Variants in ZNF236 observed in about 807,000 individuals in gnomAD.
ZNF236 encodes the protein zinc finger protein 236, also known as regulated by glucose.
In ZNF236, 50 loss-of-function variants were observed where a neutral mutation model predicts 191.2. The observed-to-expected ratio is 0.26, with a 90% CI of 0.21 to 0.33. ZNF236 has a LOEUF of 0.33. ZNF236 is among the 10% of genes least tolerant of loss of function. The pLI is 1.00. For missense variants in ZNF236, 1,754 were observed against 2,374.5 expected (o/e 0.74, Z 5.43); for synonymous variants, 907 against 928.8 (o/e 0.98, Z 0.43).
At chr18:76,940,014 A>T (rs549350825) in intron 26 of ZNF236, among the ~76,000 whole-genome samples, 13 of 146,774 alleles carry the variant, frequency 8.9e-5, no homozygotes, top group Admixed American at 1.3e-4. Context: ...TGCATTTGGG[A>T]ACACGGTGGG....
At chr18:76,893,167 T>C (rs1400258146) in intron 9 of ZNF236, among the ~76,000 whole-genome samples, 1 of 152,252 alleles carries the variant, frequency 6.6e-6, no homozygotes, top group African/African-American at 2.4e-5. Context: ...GAAAAAAATC[T>C]GATTTCTGGG....
In ZNF236 at chr18:76,908,488, G is replaced by A. The variant is rs545419794; in HGVS notation, c.2466G>A (p.Leu822=). Residue 822 remains leucine (L), a synonymous_variant, in exon 14 of 31, where the codon CTG becomes CTA. Coordinates refer to ENST00000320610, the MANE Select transcript of ZNF236 (RefSeq NM_001306089.2). ...EVVAANPEAM[L]DLEPQHVVGT... is the part of the protein sequence containing the mutation. ...TCGCAGCGAACCCCGAGGCCATGCT[G>A]GACCTGGAGCCTCAGCATGTGGTGG... 1.2e-5 allele frequency: 19 copies of A among 1,614,130 alleles called. No individual in the cohort carries two copies. The East Asian group carries it at 4.0e-4, about 34-fold the overall frequency.
intron 3 of ZNF236, among the ~76,000 whole-genome samples, chr18:76,865,952 T>G (rs562027499): frequency 2.0e-5 from 3 of 152,378 alleles, no homozygotes; most frequent in Non-Finnish European, 2.9e-5. Flanking sequence ...TTTTAGTTAC[T>G]GCTCTATTGA....
intron 18 of ZNF236, among the ~76,000 whole-genome samples, chr18:76,914,842 A>G (rs1407588094): frequency 6.6e-6 from 1 of 152,152 alleles, no homozygotes; most frequent in East Asian, 1.9e-4. Context: ...TATACTCAGT[A>G]TATTCATTAT....
intron 1 of ZNF236, among the ~76,000 whole-genome samples, chr18:76,830,340 C>A (rs1232184456): frequency 6.6e-6 from 1 of 152,050 alleles, no homozygotes; most frequent in Non-Finnish European, 1.5e-5. Context: ...CCATAAATTA[C>A]TCTTCTCCTC....
In ZNF236 at chr18:76,923,121, G is replaced by T; in HGVS notation, c.3608G>T (p.Gly1203Val). 6.2e-7 allele frequency: 1 copy of T among 1,614,072 alleles called. No individual in the cohort carries two copies. The highest frequency in any genetic ancestry group is 8.5e-7 in the Non-Finnish European group (1 of 1,179,974). Residue 1203 changes from glycine (G) to valine (V), a missense_variant, in exon 21 of 31, where the codon GGA (glycine) becomes GTA (valine). Coordinates refer to ENST00000320610, the MANE Select transcript of ZNF236 (RefSeq NM_001306089.2). ...AAGCCATACAAATGTGATGAATGTG[G>T]AAAGAGTTTTACTGTGAAATCCACT... The part of the protein sequence containing the change: ...GEKPYKCDEC[G>V]KSFTVKSTLD...
In ZNF236 at chr18:76,875,376, G is replaced by A; in HGVS notation, c.668-116G>A. On this transcript the variant is annotated intron_variant, in intron 5 of 30. Transcript: ENST00000320610. This position sits in a 1 kb window ranked among gnomAD's most constrained non-coding sequence, Gnocchi z 4.3. ...CTTGTATATATGCATCTAGAGTTCT[G>A]GGGAGACATTTTGGCTGGAGGGATA... 1 of 996,148 alleles carries A rather than the reference G, an allele frequency of 1.0e-6. No individual in the cohort carries two copies. The highest frequency in any genetic ancestry group is 2.8e-5 in the South Asian group (1 of 36,094). 61.7% of individuals were successfully genotyped at this position (996,148 alleles called of 1,614,324 possible). A position where few individuals can be genotyped will look rare whatever the true frequency, so the allele number is the denominator to read the frequency against.
intron 9 of ZNF236, among the ~76,000 whole-genome samples, chr18:76,893,528 G>A (rs1431267740): frequency 6.6e-6 from 1 of 150,620 alleles, no homozygotes; most frequent in Non-Finnish European, 1.5e-5. Context: ...TTCTTTTTGA[G>A]ACAGGGTCTG....
intron 1 of ZNF236, among the ~76,000 whole-genome samples, chr18:76,841,265 G>A (rs1481189331): frequency 6.6e-6 from 1 of 152,098 alleles, no homozygotes; most frequent in African/African-American, 2.4e-5. Context: ...TAGAGACAAG[G>A]TTTCACCATG....
chr18:76,849,484 TAAC>T, intron 1 of ZNF236, 39 bp from the exon 2 acceptor site: 1 of 1,490,354 alleles, frequency 6.7e-7, no homozygotes, highest in Non-Finnish European at 9.0e-7. Context: ...GTGATGAGAA[TAAC>T]AACTGGTATT....
intron 4 of ZNF236, 98 bp downstream of exon 4, chr18:76,868,961 C>T (rs1976506190): frequency 1.6e-6 from 2 of 1,220,192 alleles, no homozygotes; most frequent in Non-Finnish European, 2.2e-6. Flanking sequence ...CTGCAAGAAC[C>T]CAGCAAAGTG....
At chr18:76,930,764 A>G (rs372071722) in intron 25 of ZNF236, among the ~76,000 whole-genome samples, 1 of 152,172 alleles carries the variant, frequency 6.6e-6, no homozygotes, top group Non-Finnish European at 1.5e-5. Flanking sequence ...GCAGTGCACT[A>G]TATTTGGAAA....
At chr18:76,883,954 A>G (rs1599362285) in intron 9 of ZNF236, among the ~76,000 whole-genome samples, 1 of 152,230 alleles carries the variant, frequency 6.6e-6, no homozygotes, top group Admixed American at 6.5e-5. Flanking sequence ...TCCGCCATGT[A>G]AAATTATTGC....
chr18:76,920,914 A>T (rs1010675899), intron 20 of ZNF236, among the ~76,000 whole-genome samples: 1 of 152,250 alleles, frequency 6.6e-6, no homozygotes. Context: ...CCAAAGTATC[A>T]GCGTTCTCCT....
intron 26 of ZNF236, among the ~76,000 whole-genome samples, chr18:76,940,137 G>C (rs534395990): frequency 3.1e-4 from 44 of 142,966 alleles, no homozygotes; most frequent in African/African-American, 1.1e-3. Flanking sequence ...CCCTAGCACT[G>C]CATTTGGGAA....
At chr18:76,847,892 G>T (rs1975742576) in intron 1 of ZNF236, among the ~76,000 whole-genome samples, 1 of 152,194 alleles carries the variant, frequency 6.6e-6, no homozygotes, top group Non-Finnish European at 1.5e-5. Flanking sequence ...AGAATAAATA[G>T]AATAAAAATT....
chr18:76,850,804 T>C (rs1975837094), intron 2 of ZNF236, among the ~76,000 whole-genome samples: 2 of 152,046 alleles, frequency 1.3e-5, no homozygotes, highest in Non-Finnish European at 2.9e-5. Context: ...GCTTTCGCCA[T>C]GTTGGCCAGG....
At chr18:76,860,607 G>A (rs1043472187) in intron 3 of ZNF236, among the ~76,000 whole-genome samples, 1 of 152,002 alleles carries the variant, frequency 6.6e-6, no homozygotes, top group African/African-American at 2.4e-5. Flanking sequence ...TTGTTATGCC[G>A]TGGTCTCCTG....
At chr18:76,904,655 T>G (rs1977690618) in intron 12 of ZNF236, 134 bp downstream of exon 12, 1 of 682,988 alleles carries the variant, frequency 1.5e-6, no homozygotes, top group Non-Finnish European at 2.1e-6. Context: ...CCAAAACATT[T>G]ATTGGTAATT....
Sources: gnomAD v4.1 joint callset for allele counts (sites outside exome capture counted in the v4.1 genomes callset) on GRCh38, gnomAD v4.1.1 for gene constraint, Gnocchi (gnomAD v3.1) non-coding constraint, MANE v1.5 for transcripts, NCBI Gene and HGNC (gene_info 2026-07-23, HGNC 2026-07-21) for gene names.